Variants in ABL1 observed in about 807,000 individuals in gnomAD.
The protein encoded by ABL1 is tyrosine-protein kinase ABL1.
Under a neutral mutation model 94.7 loss-of-function variants are expected in ABL1, and 11 were observed. That is an observed-to-expected ratio of 0.12 (90% confidence interval 0.07 to 0.19). The LOEUF is 0.19. Among genes scored for constraint, ABL1 ranks in the 10% least tolerant of loss-of-function variants. ABL1 has a pLI of 1.00. For missense variants in ABL1, 1,082 were observed against 1,489.4 expected (o/e 0.73, Z 4.50); for synonymous variants, 656 against 622.4 (o/e 1.05, Z -0.80).
intron 1 of ABL1, among the ~76,000 whole-genome samples, chr9:130,732,762 CATT>C (rs1349672016): frequency 1.4e-5 from 2 of 141,358 alleles, no homozygotes; most frequent in East Asian, 2.2e-4. Context: ...GGGAAGCTAA[CATT>C]ATAGGCACAG....
intron 1 of ABL1, among the ~76,000 whole-genome samples, chr9:130,791,077 A>G (rs991317295): frequency 8.5e-5 from 13 of 152,242 alleles, no homozygotes; most frequent in Non-Finnish European, 5.9e-5. Flanking sequence ...GAAGGAAAGG[A>G]AAGAAATTCA....
chr9:130,743,258 A>G (rs1208155916), intron 1 of ABL1, among the ~76,000 whole-genome samples: 3 of 152,124 alleles, frequency 2.0e-5, no homozygotes, highest in Non-Finnish European at 4.4e-5. Flanking sequence ...TTGTTAGTAG[A>G]GATGGGGTTT....
intron 1 of ABL1, among the ~76,000 whole-genome samples, chr9:130,744,216 C>G (rs1341317681): frequency 6.6e-6 from 1 of 151,846 alleles, no homozygotes; most frequent in African/African-American, 2.4e-5. Context: ...AATCTCGGCT[C>G]ACTGCAACCT....
At chr9:130,768,873 A>G (rs1832216716) in intron 1 of ABL1, among the ~76,000 whole-genome samples, 2 of 152,232 alleles carry the variant, frequency 1.3e-5, no homozygotes, top group Non-Finnish European at 2.9e-5. Context: ...TGTGGCTGTT[A>G]AAGAGCTAGA....
intron 6 of ABL1, among the ~76,000 whole-genome samples, chr9:130,873,645 C>T (rs1032196960): frequency 6.6e-6 from 1 of 152,180 alleles, no homozygotes; most frequent in Admixed American, 6.5e-5. Flanking sequence ...GTTTTAAACC[C>T]TGAAGTGTTT....
chr9:130,743,968 A>G (rs1055574962), intron 1 of ABL1, among the ~76,000 whole-genome samples: 7 of 152,078 alleles, frequency 4.6e-5, no homozygotes, highest in Admixed American at 2.0e-4. Flanking sequence ...GTGTGTTTCT[A>G]TGCTCCCTTA....
chr9:130,823,301 C>G lies in ABL1; in HGVS notation c.137-30763C>G, dbSNP rs572203668. Among the ~76,000 whole-genome samples the G allele has an allele frequency of 1.6e-3, 241 of 152,238 alleles. 1 individual carries two copies. Among genetic ancestry groups the G allele is most frequent in the Middle Eastern group, 6.8e-3 (2 of 294 alleles). ...CTTCAATTTTCTAAAGGTTACAGGACTGTTTCAAACACCTCTCCTTCTATT... is the reference window on the plus strand; with the variant it reads ...CTTCAATTTTCTAAAGGTTACAGGAGTGTTTCAAACACCTCTCCTTCTATT... On this transcript the variant is annotated intron_variant, in intron 1 of 10. Coordinates refer to the ABL1 transcript ENST00000372348.
intron 1 of ABL1, among the ~76,000 whole-genome samples, chr9:130,825,399 T>C (rs2260323): frequency 0.21 from 32,451 of 152,078 alleles, 4,064 homozygotes; most frequent in African/African-American, 0.35. Context: ...GAGAGGAAAA[T>C]ATTAACCATT....
intron 1 of ABL1, among the ~76,000 whole-genome samples, chr9:130,803,101 G>A (rs945236558): frequency 3.9e-5 from 6 of 152,148 alleles, no homozygotes; most frequent in East Asian, 1.9e-4. Context: ...GTGCAATGGC[G>A]CGATCTCAGC....
chr9:130,883,503 A>G (rs1222882483), intron 10 of ABL1, among the ~76,000 whole-genome samples: 1 of 151,866 alleles, frequency 6.6e-6, no homozygotes, highest in Non-Finnish European at 1.5e-5. Context: ...CTCAAAAAAA[A>G]AAAAAAACCA....
At chr9:130,716,015 A>AAT (rs1208184824) in intron 1 of ABL1, among the ~76,000 whole-genome samples, 5 of 144,282 alleles carry the variant, frequency 3.5e-5, no homozygotes, top group Admixed American at 7.0e-5. Flanking sequence ...AAACAAACTA[A>AAT]ATATATATAT....
rs1282513070 is a variant in ABL1, at chr9:130,872,111, G to T, written c.823-18G>T. 6.2e-6 allele frequency: 10 copies of T among 1,612,344 alleles called. No individual in the cohort carries two copies. The East Asian group carries it at 6.7e-5, about 11-fold the overall frequency. ...CACTTCCTGAAATAATTTCACCTTCGTTTTTTTCCTTCTGCAGGAGGACAC... is the reference window on the plus strand; with the variant it reads ...CACTTCCTGAAATAATTTCACCTTCTTTTTTTTCCTTCTGCAGGAGGACAC... On this transcript the variant is annotated intron_variant, in intron 4 of 10. Transcript: ENST00000318560. The surrounding 1 kb of genome is among the most constrained non-coding windows in gnomAD (Gnocchi z 5.0).
intron 1 of ABL1, among the ~76,000 whole-genome samples, chr9:130,762,328 A>G (rs1832126980): frequency 6.6e-6 from 1 of 152,146 alleles, no homozygotes; most frequent in Non-Finnish European, 1.5e-5. Flanking sequence ...AAAAATATAT[A>G]TATTGTAAAT....
chr9:130,862,606 C>T lies in ABL1; in HGVS notation c.550-157C>T. The stretch of plus-strand genomic sequence containing the variant: ...AACTTAGAGCACACGTAGAGAAAGA[C>T]AGCAGAAGTGATCTTCTAAACACTC... On this transcript the variant is annotated intron_variant, in intron 3 of 10. Coordinates refer to ENST00000318560, the MANE Select transcript of ABL1 (RefSeq NM_005157.6). The surrounding 1 kb of genome is among the most constrained non-coding windows in gnomAD (Gnocchi z 5.5). Among the ~76,000 whole-genome samples, 1 of 151,890 alleles carries T rather than the reference C, an allele frequency of 6.6e-6. No individual in the cohort carries two copies. Among genetic ancestry groups the T allele is most frequent in the East Asian group, 1.9e-4 (1 of 5,184 alleles).
rs894590535 is a variant in ABL1 at position 130,798,925 on chromosome 9, C to T, written c.137-55139C>T. Among the ~76,000 whole-genome samples the T allele has an allele frequency of 8.3e-5, 12 of 144,398 alleles. 1 individual carries two copies. Among genetic ancestry groups the T allele is most frequent in the Admixed American group, 6.4e-4 (9 of 14,022 alleles). 94.7% of individuals were successfully genotyped at this position (144,398 alleles called of 152,430 possible). ...GGCGGAGGTTGCAGTGAGCTAAGAT[C>T]GTGCCACTGCACTCCAGCCTGGGTG... On this transcript the variant is annotated intron_variant, in intron 1 of 10. Coordinates refer to the ABL1 transcript ENST00000372348.
At chr9:130,867,404 T>C (rs1831173195) in intron 4 of ABL1, among the ~76,000 whole-genome samples, 1 of 152,242 alleles carries the variant, frequency 6.6e-6, no homozygotes, top group Non-Finnish European at 1.5e-5. Context: ...TTCCAATATT[T>C]TGCTGTTCTA....
intron 1 of ABL1, among the ~76,000 whole-genome samples, chr9:130,802,317 C>T (rs574018341): frequency 3.9e-5 from 6 of 152,054 alleles, no homozygotes; most frequent in Non-Finnish European, 5.9e-5. Context: ...TGGTCTTGAA[C>T]TCCTGGGCTC....
At chr9:130,714,088 A>G in exon 1 of ABL1, 1 of 405,026 alleles carries the variant, frequency 2.5e-6, no homozygotes. Context: ...CATTGCAATT[A>G]CATGAAATTG....
chr9:130,823,180 G>A (rs1385249878), intron 1 of ABL1, among the ~76,000 whole-genome samples: 2 of 152,146 alleles, frequency 1.3e-5, no homozygotes, highest in Admixed American at 6.6e-5. Context: ...AAGGAAAAGG[G>A]ATAGTTAATA....
Sources: allele counts gnomAD v4.1 joint callset (sites outside exome capture counted in the v4.1 genomes callset), GRCh38; gene constraint gnomAD v4.1.1; non-coding constraint Gnocchi (gnomAD v3.1); transcripts MANE v1.5; gene names NCBI Gene and HGNC (gene_info 2026-07-23, HGNC 2026-07-21).